The following SYNRG variants were observed in gnomAD, a reference collection of about 807,000 sequenced individuals.
SYNRG encodes AP1 gamma subunit binding protein 1.
Under a neutral mutation model 130.9 loss-of-function variants are expected in SYNRG, and 37 were observed. The ratio of observed to expected loss-of-function variants is 0.28; its 90% CI spans 0.22 to 0.37. The LOEUF (loss-of-function observed/expected upper bound fraction) is 0.37, where lower values mean the gene tolerates loss of function less well. Ranked by LOEUF, SYNRG falls within the 10% of genes least tolerant of loss-of-function variation. The probability of loss-of-function intolerance (pLI) is 1.00; values close to 1 mark genes in which losing one functional copy is unlikely to be tolerated. For synonymous variants in SYNRG, 539 were observed against 568.1 expected, an observed-to-expected ratio of 0.95 and a Z score of 0.73; for missense variants, 1,338 against 1,588.9, an observed-to-expected ratio of 0.84 and a Z score of 2.68.
chr17:37,520,083 A>T (rs1354293814), intron 21 of SYNRG, 96 bp downstream of exon 21: 1 of 1,351,522 alleles, frequency 7.4e-7, no homozygotes, highest in South Asian at 1.2e-5. Flanking sequence ...TCATGATTGG[A>T]ACAGTTCAGG....
At chr17:37,525,784 G>A (rs2055802263) in intron 19 of SYNRG, among the ~76,000 whole-genome samples, 1 of 152,336 alleles carries the variant, frequency 6.6e-6, no homozygotes, top group Non-Finnish European at 1.5e-5. Context: ...TGGCCAACAT[G>A]GTGAAACCCC....
At position 37,536,122 on chromosome 17, in the gene SYNRG, C is replaced by T; in HGVS notation, c.3523G>A (p.Val1175Ile). ...AQGMEYLLGV[V>I]EVYRVTKRVE... ...CGCTTGGTTACCCTGTACACTTCAA[C>T]AACACCTGACGGGATGAGAGAGCAG... The change falls in exon 19 of 22, where the codon GTT becomes ATT. Residue 1175 changes from valine to isoleucine, a missense_variant. Transcript: ENST00000612223. 1 of 1,610,052 alleles carries T rather than the reference C, an allele frequency of 6.2e-7. No homozygotes were observed. The highest frequency in any genetic ancestry group is 8.5e-7 in the Non-Finnish European group (1 of 1,177,970).
rs188844411 is a variant in SYNRG at position 37,579,625 on chromosome 17, C to T, written c.590-2012G>A. Reference sequence around the variant, plus strand: ...AAACACTTTGATGTCTATTTATACACAATTTTATGTCTTTTTAAAGGGGAG... The same window carrying T: ...AAACACTTTGATGTCTATTTATACATAATTTTATGTCTTTTTAAAGGGGAG... On this transcript the variant is annotated intron_variant, in intron 6 of 21. Coordinates refer to ENST00000612223, the MANE Select transcript of SYNRG (RefSeq NM_007247.6). Among the ~76,000 whole-genome samples, 7 of 152,244 alleles carry T rather than the reference C, an allele frequency of 4.6e-5. No individual in the cohort carries two copies. The East Asian group carries it at 7.7e-4, about 17-fold the overall frequency.
At chr17:37,608,172 G>A (rs2063980781) in intron 1 of SYNRG, among the ~76,000 whole-genome samples, 1 of 150,370 alleles carries the variant, frequency 6.7e-6, no homozygotes, top group Non-Finnish European at 1.5e-5. Flanking sequence ...GAAAAATGGG[G>A]TTACACACAG....
intron 8 of SYNRG, among the ~76,000 whole-genome samples, chr17:37,575,201 A>G (rs2060721377): frequency 6.6e-6 from 1 of 152,144 alleles, no homozygotes; most frequent in Non-Finnish European, 1.5e-5. Context: ...GGGCATAAAA[A>G]TATAGTTGGA....
intron 13 of SYNRG, among the ~76,000 whole-genome samples, chr17:37,560,424 C>G (rs916789311): frequency 4.0e-5 from 6 of 151,266 alleles, no homozygotes; most frequent in African/African-American, 1.5e-4. Flanking sequence ...CAACCTCTGC[C>G]TCCCTGAGTT....
chr17:37,599,946 G>A (rs1485244673), intron 2 of SYNRG, among the ~76,000 whole-genome samples: 2 of 152,116 alleles, frequency 1.3e-5, no homozygotes, highest in Non-Finnish European at 2.9e-5. Flanking sequence ...TCAACATGCT[G>A]GGTGCTACAA....
chr17:37,580,266 A>ACCATATGAG (rs1408301251), intron 6 of SYNRG, among the ~76,000 whole-genome samples: 2 of 151,170 alleles, frequency 1.3e-5, no homozygotes, highest in Non-Finnish European at 2.9e-5. Context: ...CAGTAAAGTT[A>ACCATATGAG]CCATATGAGA....
chr17:37,608,770 G>A (rs2064055415), intron 1 of SYNRG, among the ~76,000 whole-genome samples: 1 of 152,096 alleles, frequency 6.6e-6, no homozygotes, highest in Non-Finnish European at 1.5e-5. Flanking sequence ...CGCGGGTTAA[G>A]GAAATAAAGA....
chr17:37,567,774 C>T (rs192659525), intron 11 of SYNRG: 4 of 152,294 alleles, frequency 2.6e-5, no homozygotes, highest in Admixed American at 1.3e-4. Flanking sequence ...ATGAGCGAAA[C>T]TGCATAAACA....
intron 19 of SYNRG, among the ~76,000 whole-genome samples, chr17:37,522,130 T>C (rs1245039781): frequency 1.5e-4 from 6 of 39,790 alleles, no homozygotes; most frequent in Admixed American, 1.4e-3. Context: ...ATTATCTAAT[T>C]CACTACACAC....
intron 14 of SYNRG, among the ~76,000 whole-genome samples, chr17:37,552,492 T>TA (rs2058783467): frequency 6.6e-6 from 1 of 152,146 alleles, no homozygotes; most frequent in African/African-American, 2.4e-5. Context: ...TTTCCAGTAA[T>TA]AGAGTTAACA....
At chr17:37,581,222 T>G (rs2061303623) in intron 6 of SYNRG, among the ~76,000 whole-genome samples, 1 of 152,028 alleles carries the variant, frequency 6.6e-6, no homozygotes, top group Admixed American at 6.6e-5. Flanking sequence ...AACATGAAGC[T>G]CATTAACAAT....
At chr17:37,572,603 C>G (rs2060516076) in intron 8 of SYNRG, among the ~76,000 whole-genome samples, 1 of 152,122 alleles carries the variant, frequency 6.6e-6, no homozygotes, top group African/African-American at 2.4e-5. Flanking sequence ...ACAAGAGAAG[C>G]TGTAGAGTAA....
At chr17:37,566,708 T>C (rs1315835759) in intron 11 of SYNRG, 1 of 152,264 alleles carries the variant, frequency 6.6e-6, no homozygotes, top group Admixed American at 6.5e-5. Context: ...ACAAAATTGC[T>C]AATATCCCAT....
intron 1 of SYNRG, among the ~76,000 whole-genome samples, chr17:37,603,306 C>A (rs1243454789): frequency 6.6e-6 from 1 of 151,950 alleles, no homozygotes; most frequent in African/African-American, 2.4e-5. Context: ...GAGTTTGAGA[C>A]CAGCCTGGGC....
intron 6 of SYNRG, among the ~76,000 whole-genome samples, chr17:37,583,299 C>A (rs867000491): frequency 6.6e-6 from 1 of 152,132 alleles, no homozygotes; most frequent in African/African-American, 2.4e-5. Flanking sequence ...TCCTAAATTA[C>A]TTCTTGACTA....
chr17:37,572,474 G>A (rs2060508171), intron 8 of SYNRG, among the ~76,000 whole-genome samples: 1 of 152,048 alleles, frequency 6.6e-6, no homozygotes, highest in South Asian at 2.1e-4. Context: ...AAGTGGAAAT[G>A]TCCAGCAGAC....
intron 8 of SYNRG, among the ~76,000 whole-genome samples, 157 bp downstream of exon 8, chr17:37,576,184 C>T (rs4577132): frequency 0.18 from 27,278 of 151,932 alleles, 2,655 homozygotes; most frequent in Admixed American, 0.29. Flanking sequence ...TTATGAAACA[C>T]GACATTTATT....
Sources: gnomAD v4.1 joint callset for allele counts (sites outside exome capture counted in the v4.1 genomes callset) on GRCh38, gnomAD v4.1.1 for gene constraint, MANE v1.5 for transcripts, NCBI Gene and HGNC (gene_info 2026-07-23, HGNC 2026-07-21) for gene names.